The following TMCO4 variants were observed in gnomAD, a reference collection of about 807,000 sequenced individuals.
TMCO4 encodes the protein transmembrane and coiled-coil domain-containing protein 4.
A neutral mutation model predicts 64.7 loss-of-function variants in TMCO4; 58 were observed. The observed-to-expected ratio is 0.90, with a 90% CI of 0.73 to 1.12. TMCO4 has a LOEUF of 1.12. Among genes scored for constraint, TMCO4 ranks in the 50% most tolerant of loss-of-function variants. The probability of loss-of-function intolerance (pLI) is 0.00; values close to 1 mark genes in which losing one functional copy is unlikely to be tolerated. For synonymous variants in TMCO4, 325 were observed against 346.1 expected (o/e 0.94, Z 0.68); for missense variants, 780 against 825.9 (o/e 0.94, Z 0.68).
intron 13 of TMCO4, among the ~76,000 whole-genome samples, chr1:19,705,840 T>C (rs1410445397): frequency 1.3e-5 from 2 of 152,044 alleles, no homozygotes; most frequent in Non-Finnish European, 2.9e-5. Context: ...AACCTTATAA[T>C]ACTAGAATAA....
chr1:19,765,872 G>A (rs1325297795), intron 6 of TMCO4, among the ~76,000 whole-genome samples: 1 of 152,124 alleles, frequency 6.6e-6, no homozygotes, highest in East Asian at 1.9e-4. Flanking sequence ...TAATCAGCCC[G>A]TCTCACACCC....
At chr1:19,695,529 C>G (rs1055445781) in intron 14 of TMCO4, among the ~76,000 whole-genome samples, 13 of 152,324 alleles carry the variant, frequency 8.5e-5, no homozygotes, top group South Asian at 2.1e-4. Context: ...TTTTTGCACA[C>G]TGGTTGATCT....
intron 14 of TMCO4, 139 bp downstream of exon 14, chr1:19,700,627 CAG>C: frequency 1.3e-6 from 1 of 786,300 alleles, no homozygotes; most frequent in Non-Finnish European, 2.1e-6. Context: ...CTGCTCCTAA[CAG>C]GGCCGGTGCC....
At position 19,743,005 on chromosome 1, in the gene TMCO4, G is replaced by A. The variant is rs2095486814; in HGVS notation, c.878-2064C>T. Among the ~76,000 whole-genome samples the A allele has an allele frequency of 6.6e-6, 1 of 152,022 alleles. No individual in the cohort carries two copies. The highest frequency in any genetic ancestry group is 2.1e-4 in the South Asian group (1 of 4,820). On this transcript the variant is annotated intron_variant, in intron 10 of 15. Transcript: ENST00000294543. This position sits in a 1 kb window ranked among gnomAD's most constrained non-coding sequence, Gnocchi z 4.1. ...GCGGAGGTTGCAGTGAGCCAAGATC[G>A]CGCCACTGCACTCCAGCCTGGTGAT...
chr1:19,771,322 T>C lies in TMCO4; in HGVS notation c.340A>G (p.Thr114Ala). Residue 114 changes from threonine to alanine, a missense_variant, in exon 5 of 16, where the codon ACG (threonine) becomes GCG (alanine). Coordinates refer to ENST00000294543, the MANE Select transcript of TMCO4 (RefSeq NM_181719.7). ...LKDPILKDDP[T>A]VITQDLLSFS... ...GTTGGGTGTACCTGAGTGATCACCG[T>C]CGGGTCGTCCTTCAAGATGGGGTCC... 1 of 1,614,084 alleles carries C rather than the reference T, an allele frequency of 6.2e-7. No homozygotes were observed. Among genetic ancestry groups the C allele is most frequent in the Non-Finnish European group, 8.5e-7 (1 of 1,180,000 alleles).
At chr1:19,684,244 C>T (rs2095129729) in intron 15 of TMCO4, among the ~76,000 whole-genome samples, 2 of 149,314 alleles carry the variant, frequency 1.3e-5, no homozygotes, top group South Asian at 2.1e-4. Context: ...GTGATTCTCC[C>T]ACCTCAGCCT....
Position 19,733,809 on chromosome 1 carries a change from C to G in TMCO4, c.1264+3563G>C, listed in dbSNP as rs976142410. 2.6e-5 allele frequency among the ~76,000 whole-genome samples: 4 copies of G among 152,048 alleles called. No individual in the cohort carries two copies. The East Asian group carries it at 7.7e-4, about 29-fold the overall frequency. On this transcript the variant is annotated intron_variant, in intron 13 of 15. Coordinates refer to ENST00000294543, the MANE Select transcript of TMCO4 (RefSeq NM_181719.7). ...AGTGTGGCTTGGAGAGACAGTCTAG[C>G]GTAGGGTGAAGATCGCACAATCTCC...
intron 13 of TMCO4, among the ~76,000 whole-genome samples, chr1:19,721,921 C>T (rs898842905): frequency 7.2e-5 from 11 of 152,198 alleles, no homozygotes; most frequent in African/African-American, 2.2e-4. Flanking sequence ...GAGGGGCCAG[C>T]GGCCTCCCTG....
At chr1:19,720,532 C>A (rs1352543142) in intron 13 of TMCO4, among the ~76,000 whole-genome samples, 1 of 152,096 alleles carries the variant, frequency 6.6e-6, no homozygotes, top group East Asian at 1.9e-4. Flanking sequence ...ATTTGTTTTT[C>A]TCTGGGTCCT....
chr1:19,683,336 A>G lies in TMCO4; in HGVS notation c.1609T>C (p.Cys537Arg). Residue 537 changes from cysteine to arginine, a missense_variant, in exon 16 of 16, where the codon TGC (cysteine) becomes CGC (arginine). Transcript: ENST00000294543. Reference protein sequence around the residue: ...DEKGLLLAPGCLPSEEPRQAA... With the variant: ...DEKGLLLAPGRLPSEEPRQAA... ...TGGCGAGGCTCCTCGGAGGGCAGGC[A>G]GCCTGGGGCCAGCAAGAGCCCCTTC... 1 of 1,613,978 alleles carries G rather than the reference A, an allele frequency of 6.2e-7. No individual in the cohort carries two copies. Among genetic ancestry groups the G allele is most frequent in the South Asian group, 1.1e-5 (1 of 91,080 alleles).
chr1:19,741,885 C>A (rs1391013143), intron 10 of TMCO4, among the ~76,000 whole-genome samples: 1 of 151,828 alleles, frequency 6.6e-6, no homozygotes, highest in African/African-American at 2.4e-5. Flanking sequence ...TACAGGCACC[C>A]ACCACCAAAC....
At chr1:19,756,729 T>G (rs1177038337) in intron 6 of TMCO4, among the ~76,000 whole-genome samples, 1 of 152,116 alleles carries the variant, frequency 6.6e-6, no homozygotes. Context: ...TGGTGGTGCG[T>G]GCCTATAATC....
intron 4 of TMCO4, among the ~76,000 whole-genome samples, chr1:19,776,344 C>T (rs183015275): frequency 1.2e-3 from 186 of 152,312 alleles, no homozygotes; most frequent in Admixed American, 2.9e-3. Flanking sequence ...GCAACAGCCA[C>T]CTGTGTTTAT....
Position 19,739,804 on chromosome 1 carries a change from A to G in TMCO4, c.1179+20T>C. On this transcript the variant is annotated intron_variant, in intron 12 of 15. Coordinates refer to ENST00000294543, the MANE Select transcript of TMCO4 (RefSeq NM_181719.7). ...TCCCCTCTTGCTCAATGCCACGCCC[A>G]CACAGCCATTCCCAGGTACCTGCTG... is the stretch of plus-strand genomic sequence containing the variant. The G allele has an allele frequency of 6.2e-7, 1 of 1,610,360 alleles. No individual in the cohort carries two copies. The highest frequency in any genetic ancestry group is 8.5e-7 in the Non-Finnish European group (1 of 1,178,480).
chr1:19,706,315 A>C (rs2095303165), intron 13 of TMCO4, among the ~76,000 whole-genome samples: 1 of 152,194 alleles, frequency 6.6e-6, no homozygotes, highest in Admixed American at 6.5e-5. Context: ...CCGACAAAAG[A>C]AACTGAGATT....
intron 13 of TMCO4, 40 bp from the exon 14 acceptor site, chr1:19,700,925 C>T (rs2095267974): frequency 6.4e-7 from 1 of 1,566,184 alleles, no homozygotes; most frequent in Non-Finnish European, 8.8e-7. Context: ...GTGTCCCTGG[C>T]CACATTGGGT....
intron 13 of TMCO4, among the ~76,000 whole-genome samples, chr1:19,704,520 G>A (rs2095292319): frequency 6.6e-6 from 1 of 152,178 alleles, no homozygotes; most frequent in Non-Finnish European, 1.5e-5. Context: ...CAATAACAAC[G>A]TGCACAGTGA....
At chr1:19,794,100 T>TC (rs1158028168) in intron 2 of TMCO4, among the ~76,000 whole-genome samples, 12 of 151,690 alleles carry the variant, frequency 7.9e-5, no homozygotes. Flanking sequence ...TCCCTGCAGC[T>TC]CCTGGACCCC....
rs57031243 is a variant in TMCO4 at position 19,693,164 on chromosome 1, CAAAAAAAAAAAAAAA to C, written c.1500+1255_1500+1269del. Among the ~76,000 whole-genome samples, 72 of 19,976 alleles carry C rather than the reference CAAAAAAAAAAAAAAA, an allele frequency of 3.6e-3. 1 individual carries two copies. Among genetic ancestry groups the C allele is most frequent in the Middle Eastern group, 0.071 (1 of 14 alleles). 13.1% of individuals were successfully genotyped at this position (19,976 alleles called of 152,430 possible). On this transcript the variant is annotated intron_variant, in intron 15 of 15. Transcript: ENST00000294543. The stretch of plus-strand genomic sequence containing the variant: ...CTCCAGCCTGAGCGAGACCCCATCT[CAAAAAAAAAAAAAAA>C]AAAAAAAAAAAAAAAAAAAAAGGCC...
Sources: gnomAD v4.1 joint callset for allele counts (sites outside exome capture counted in the v4.1 genomes callset) on GRCh38, gnomAD v4.1.1 for gene constraint, Gnocchi (gnomAD v3.1) non-coding constraint, MANE v1.5 for transcripts, NCBI Gene and HGNC (gene_info 2026-07-23, HGNC 2026-07-21) for gene names.